The following REELD1 variants were observed in gnomAD, a reference collection of about 807,000 sequenced individuals.
REELD1 encodes the protein reelin domain-containing protein 1.
A neutral mutation model predicts 6.3 loss-of-function variants in REELD1; 12 were observed. The ratio of observed to expected loss-of-function variants is 1.89; its 90% CI spans 1.21 to 3.07. The LOEUF is 3.07. Among genes scored for constraint, REELD1 ranks in the 30% most tolerant of loss-of-function variants. REELD1 has a pLI of 0.00. For synonymous variants in REELD1, 57 were observed against 33.6 expected (o/e 1.70, Z -2.42); for missense variants, 163 against 86.8 (o/e 1.88, Z -3.49).
chr4:146,217,349 C>T (rs1374902035), intron 3 of REELD1, among the ~76,000 whole-genome samples, 189 bp downstream of exon 3: 1 of 152,072 alleles, frequency 6.6e-6, no homozygotes, highest in Non-Finnish European at 1.5e-5. Context: ...CTTAAGTGAT[C>T]CTCCCACCTC....
chr4:146,217,644 G>A (rs1349240119), intron 3 of REELD1, among the ~76,000 whole-genome samples: 1 of 152,156 alleles, frequency 6.6e-6, no homozygotes, highest in Non-Finnish European at 1.5e-5. Context: ...ATTGTGATCT[G>A]TATAAGAAGA....
At chr4:146,228,119 T>TGCTGTTTACCCCTGATCATA in intron 5 of REELD1, 91 bp from the exon 6 acceptor site, 2 of 639,004 alleles carry the variant, frequency 3.1e-6, no homozygotes, top group East Asian at 5.4e-5. Context: ...TTAGAGTCAC[T>TGCTGTTTACCCCTGATCATA]GCTGTTTACC....
At chr4:146,225,407 T>C (rs1329352894) in intron 5 of REELD1, among the ~76,000 whole-genome samples, 1 of 152,214 alleles carries the variant, frequency 6.6e-6, no homozygotes, top group Non-Finnish European at 1.5e-5. Flanking sequence ...TCTTTGCTAA[T>C]ATGTTAAGGC....
At chr4:146,226,863 T>C (rs1731032687) in intron 5 of REELD1, among the ~76,000 whole-genome samples, 1 of 152,186 alleles carries the variant, frequency 6.6e-6, no homozygotes, top group South Asian at 2.1e-4. Flanking sequence ...CTCCACCTCC[T>C]GGGTTCAAAC....
chr4:146,223,066 G>C (rs891504144), intron 4 of REELD1, among the ~76,000 whole-genome samples: 11 of 152,146 alleles, frequency 7.2e-5, no homozygotes, highest in Non-Finnish European at 1.5e-5. Context: ...GCCTACGTTC[G>C]CTCAGAAGAG....
intron 6 of REELD1, among the ~76,000 whole-genome samples, chr4:146,228,790 T>A (rs891928101): frequency 6.6e-6 from 1 of 152,056 alleles, no homozygotes; most frequent in Non-Finnish European, 1.5e-5. Context: ...ATATTTATAA[T>A]AACAACATAG....
chr4:146,221,132 A>G (rs921668225), intron 3 of REELD1, among the ~76,000 whole-genome samples: 8 of 152,220 alleles, frequency 5.3e-5, no homozygotes, highest in Non-Finnish European at 1.2e-4. Flanking sequence ...ACATTGTTGT[A>G]CAACCATCAT....
At chr4:146,228,569 T>C (rs770719404) in intron 6 of REELD1, 47 bp downstream of exon 6, 34 of 663,956 alleles carry the variant, frequency 5.1e-5, no homozygotes, top group South Asian at 3.3e-4. Context: ...GGGACTAGGA[T>C]GAACACTGGA....
At position 146,224,586 on chromosome 4, in the gene REELD1, C is replaced by T. The variant is rs973163263; in HGVS notation, c.573C>T (p.Gly191=). The T allele has an allele frequency of 1.6e-5, 11 of 702,038 alleles. No homozygotes were observed. The highest frequency in any genetic ancestry group is 3.0e-5 in the South Asian group (2 of 67,538). The allele number at this position is 702,038 out of a possible 1,614,324, so 43.5% of individuals were successfully genotyped here. ...TGCCAAACCTTCACCAGAGGCTGGGCGATGTTGAAGGAGCTGCTCCAGGTA... is the reference window on the plus strand; with the variant it reads ...TGCCAAACCTTCACCAGAGGCTGGGTGATGTTGAAGGAGCTGCTCCAGGTA... ...LLMPNLHQRL[G]DVEGAAPAPR... The change falls in exon 5 of 8, where the codon GGC becomes GGT. Residue 191 remains glycine, a synonymous_variant. Transcript: ENST00000623665.
chr4:146,226,281 G>C (rs557676157), intron 5 of REELD1, among the ~76,000 whole-genome samples: 2 of 152,096 alleles, frequency 1.3e-5, no homozygotes, highest in South Asian at 4.2e-4. Context: ...CCTCAAACTG[G>C]ACTGTTCCAC....
chr4:146,228,137 A>G, intron 5 of REELD1, 73 bp from the exon 6 acceptor site: 1 of 654,354 alleles, frequency 1.5e-6, no homozygotes, highest in South Asian at 1.7e-5. Flanking sequence ...ACCCCTGATC[A>G]TAGCTGTTTG....
intron 3 of REELD1, among the ~76,000 whole-genome samples, chr4:146,219,843 T>TAA (rs1730889372): frequency 6.6e-6 from 1 of 152,252 alleles, no homozygotes; most frequent in Non-Finnish European, 1.5e-5. Context: ...AATATAATCT[T>TAA]AAGCAGACAC....
At chr4:146,221,308 G>A (rs1730918801) in intron 3 of REELD1, among the ~76,000 whole-genome samples, 1 of 152,176 alleles carries the variant, frequency 6.6e-6, no homozygotes, top group Non-Finnish European at 1.5e-5. Flanking sequence ...TTGTCATCTT[G>A]GGTCTGGCTT....
chr4:146,216,580 G>A (rs757236230), intron 2 of REELD1, among the ~76,000 whole-genome samples: 7 of 152,170 alleles, frequency 4.6e-5, no homozygotes, highest in East Asian at 1.9e-4. Flanking sequence ...AGGCCACACC[G>A]CCTTTGGGTA....
At position 146,230,086 on chromosome 4, in the gene REELD1, C is replaced by A; in HGVS notation, c.1154C>A (p.Ser385Ter). 2.5e-6 allele frequency: 1 copy of A among 398,842 alleles called. No homozygotes were observed. The highest frequency in any genetic ancestry group is 4.4e-6 in the Non-Finnish European group (1 of 226,258). 24.7% of individuals were successfully genotyped at this position (398,842 alleles called of 1,614,324 possible). A position where few individuals can be genotyped will look rare whatever the true frequency, so the allele number is the denominator to read the frequency against. The change falls in exon 8 of 8, where the codon TCA (serine) becomes TAA (stop). Residue 385 changes from serine to a stop codon, truncating the protein, a stop_gained. Transcript: ENST00000623665. LOFTEE classifies it low-confidence loss of function (END_TRUNC). ...GGGCTACCTGCTGCTGGTGACCAGT[C>A]AGAGGCATCCAGGGCCTCTGCCAGC... ...TSGLPAAGDQ[S>*]EASRASASFL...
chr4:146,220,013 G>C (rs1730893932), intron 3 of REELD1, among the ~76,000 whole-genome samples: 2 of 152,110 alleles, frequency 1.3e-5, no homozygotes, highest in Admixed American at 1.3e-4. Context: ...GCGCAATCTT[G>C]GCTCACTGTA....
intron 3 of REELD1, among the ~76,000 whole-genome samples, chr4:146,221,584 G>A (rs1363474639): frequency 6.6e-6 from 1 of 152,224 alleles, no homozygotes; most frequent in Non-Finnish European, 1.5e-5. Flanking sequence ...TGAGCAGCCA[G>A]ATGCGGTGGC....
chr4:146,228,536 G>T lies in REELD1; in HGVS notation c.908+14G>T. On this transcript the variant is annotated intron_variant, in intron 6 of 7. Coordinates refer to ENST00000623665, the MANE Select transcript of REELD1 (RefSeq NM_001354631.1). ...CACCCATCACAGGTAAGGGTGATGG[G>T]TGGGCCATTCAGGACAGGTGATGGG... 2.9e-6 allele frequency: 2 copies of T among 697,482 alleles called. No homozygotes were observed. The highest frequency in any genetic ancestry group is 5.2e-6 in the Non-Finnish European group (2 of 382,262). 43.2% of individuals were successfully genotyped at this position (697,482 alleles called of 1,614,324 possible). A position where few individuals can be genotyped will look rare whatever the true frequency, so the allele number is the denominator to read the frequency against.
At chr4:146,228,131 C>T (rs1553943704) in intron 5 of REELD1, 79 bp from the exon 6 acceptor site, 2 of 649,364 alleles carry the variant, frequency 3.1e-6, no homozygotes, top group African/African-American at 1.8e-5. Context: ...CTGTTTACCC[C>T]TGATCATAGC....
Sources: gnomAD v4.1 joint callset for allele counts (sites outside exome capture counted in the v4.1 genomes callset) on GRCh38, gnomAD v4.1.1 for gene constraint, MANE v1.5 for transcripts, NCBI Gene and HGNC (gene_info 2026-07-23, HGNC 2026-07-21) for gene names.